The following ITFG1 variants were observed in gnomAD, a reference collection of about 807,000 sequenced individuals.
The protein encoded by ITFG1 is T-cell immunomodulatory protein.
In ITFG1, 34 loss-of-function variants were observed where a neutral mutation model predicts 81.8. That is an observed-to-expected ratio of 0.42 (90% confidence interval 0.32 to 0.55). The LOEUF (loss-of-function observed/expected upper bound fraction) is 0.55. Ranked by LOEUF, ITFG1 falls within the 20% of genes least tolerant of loss-of-function variation. ITFG1 has a pLI of 0.17. For missense variants in ITFG1, 672 were observed against 755.4 expected (o/e 0.89, Z 1.29); for synonymous variants, 285 against 270.6 (o/e 1.05, Z -0.52).
chr16:47,441,487 A>C (rs1969249567), intron 5 of ITFG1, among the ~76,000 whole-genome samples: 1 of 152,202 alleles, frequency 6.6e-6, no homozygotes, highest in Non-Finnish European at 1.5e-5. Context: ...CACCATGATC[A>C]CGTGGGCTTC....
intron 10 of ITFG1, among the ~76,000 whole-genome samples, chr16:47,262,141 T>C (rs185351974): frequency 4.6e-5 from 7 of 152,332 alleles, no homozygotes. Context: ...GTCTGGTAAA[T>C]ATATGATTGG....
chr16:47,381,259 T>C (rs569627474), intron 6 of ITFG1, among the ~76,000 whole-genome samples: 2 of 152,198 alleles, frequency 1.3e-5, no homozygotes, highest in Non-Finnish European at 2.9e-5. Flanking sequence ...GCATGTAATA[T>C]CCTTTTGATA....
intron 16 of ITFG1, among the ~76,000 whole-genome samples, chr16:47,159,197 A>AT (rs903831080): frequency 9.9e-5 from 15 of 152,284 alleles, no homozygotes; most frequent in South Asian, 2.1e-4. Context: ...TGCAGTTTAT[A>AT]TTTTACCTAG....
intron 8 of ITFG1, among the ~76,000 whole-genome samples, chr16:47,355,380 G>T (rs1968024390): frequency 6.6e-6 from 1 of 152,098 alleles, no homozygotes; most frequent in South Asian, 2.1e-4. Context: ...ATTATCAGAG[G>T]CTGGGGAGAG....
At chr16:47,293,858 C>G (rs2151556156) in intron 10 of ITFG1, among the ~76,000 whole-genome samples, 1 of 152,150 alleles carries the variant, frequency 6.6e-6, no homozygotes, top group South Asian at 2.1e-4. Context: ...TGTGCAGAAG[C>G]TTTTTAGTTC....
intron 6 of ITFG1, among the ~76,000 whole-genome samples, chr16:47,409,858 C>A (rs987042207): frequency 1.3e-5 from 2 of 151,670 alleles, no homozygotes; most frequent in African/African-American, 4.8e-5. Context: ...CCAAAAAAAA[C>A]CTGTTATGCA....
intron 10 of ITFG1, among the ~76,000 whole-genome samples, chr16:47,289,502 T>C (rs978391487): frequency 7.9e-5 from 12 of 152,138 alleles, no homozygotes; most frequent in African/African-American, 2.9e-4. Context: ...ATGGGGGACA[T>C]TTTATTCAGG....
chr16:47,408,209 A>G (rs1338819424), intron 6 of ITFG1, among the ~76,000 whole-genome samples: 1 of 152,208 alleles, frequency 6.6e-6, no homozygotes, highest in Non-Finnish European at 1.5e-5. Context: ...TGCTTGGAAG[A>G]GTAAAGTCTC....
chr16:47,360,918 T>C (rs1030285376), intron 8 of ITFG1, among the ~76,000 whole-genome samples: 1 of 152,178 alleles, frequency 6.6e-6, no homozygotes, highest in African/African-American at 2.4e-5. Context: ...GGGGTGTCCC[T>C]ACCTTTCTCC....
At chr16:47,354,802 C>G (rs572277047) in intron 8 of ITFG1, among the ~76,000 whole-genome samples, 2 of 152,068 alleles carry the variant, frequency 1.3e-5, no homozygotes, top group African/African-American at 4.8e-5. Flanking sequence ...TGCTCAACAT[C>G]ATGAATCATC....
chr16:47,315,978 T>C (rs1389044886), intron 8 of ITFG1, among the ~76,000 whole-genome samples: 3 of 151,772 alleles, frequency 2.0e-5, no homozygotes, highest in Non-Finnish European at 4.4e-5. Context: ...TTCAGTAGAG[T>C]CCGAGTTTCG....
intron 12 of ITFG1, among the ~76,000 whole-genome samples, chr16:47,239,351 C>T (rs1378502862): frequency 6.6e-6 from 1 of 152,110 alleles, no homozygotes; most frequent in Non-Finnish European, 1.5e-5. Context: ...CAGGTGCACG[C>T]CACCACACCC....
intron 10 of ITFG1, among the ~76,000 whole-genome samples, chr16:47,289,871 C>T (rs1196670775): frequency 6.6e-6 from 1 of 152,026 alleles, no homozygotes; most frequent in Non-Finnish European, 1.5e-5. Context: ...TTGTTTCATT[C>T]CTCCAACTAA....
intron 8 of ITFG1, among the ~76,000 whole-genome samples, chr16:47,326,654 A>G (rs911370587): frequency 9.8e-5 from 15 of 152,334 alleles, no homozygotes; most frequent in Non-Finnish European, 1.6e-4. Context: ...ATGTGCAAAA[A>G]TCACAAGCAT....
At position 47,428,863 on chromosome 16, in the gene ITFG1, C is replaced by A. The variant is rs1418244996; in HGVS notation, c.596G>T (p.Ser199Ile). 6.2e-7 allele frequency: 1 copy of A among 1,609,684 alleles called. No homozygotes were observed. Among genetic ancestry groups the A allele is most frequent in the Non-Finnish European group, 8.5e-7 (1 of 1,177,612 alleles). ...LSWHPALTTT[S>I]KMRIPHSHAF... Reference sequence around the variant, plus strand: ...ATGAGAATGTGGAATTCGCATTTTACTTGTAGTGGTCAATGCTGGATGCCA... The same window carrying A: ...ATGAGAATGTGGAATTCGCATTTTAATTGTAGTGGTCAATGCTGGATGCCA... The change falls in exon 6 of 18, where the codon AGT (serine) becomes ATT (isoleucine). Residue 199 changes from serine (S) to isoleucine (I), a missense_variant. By Grantham distance (142) the Ser-to-Ile change is moderately radical (BLOSUM62 -2). Coordinates refer to ENST00000320640, the MANE Select transcript of ITFG1 (RefSeq NM_030790.5).
At chr16:47,366,324 T>G (rs1161235041) in intron 7 of ITFG1, among the ~76,000 whole-genome samples, 1 of 152,168 alleles carries the variant, frequency 6.6e-6, no homozygotes, top group Non-Finnish European at 1.5e-5. Context: ...GAAGATTCTG[T>G]TGGGAACAAT....
chr16:47,181,462 GC>G (rs1413442865), intron 14 of ITFG1, among the ~76,000 whole-genome samples: 7 of 128,896 alleles, frequency 5.4e-5, no homozygotes, highest in South Asian at 2.7e-4. Flanking sequence ...GGGGGGGTCA[GC>G]CCCCCCGCCC....
chr16:47,173,371 T>C (rs1267341534), intron 14 of ITFG1, among the ~76,000 whole-genome samples: 1 of 152,220 alleles, frequency 6.6e-6, no homozygotes, highest in African/African-American at 2.4e-5. Context: ...ACTTCTGTAT[T>C]CTAAGACCCT....
At chr16:47,181,450 T>TG (rs1262352965) in intron 14 of ITFG1, among the ~76,000 whole-genome samples, 4,579 of 104,868 alleles carry the variant, frequency 0.044, 371 homozygotes, top group African/African-American at 0.11. Flanking sequence ...GGGAGGGAGG[T>TG]GGGGGGGGTC....
Sources: gnomAD v4.1 joint callset for allele counts (sites outside exome capture counted in the v4.1 genomes callset) on GRCh38, gnomAD v4.1.1 for gene constraint, MANE v1.5 for transcripts, NCBI Gene and HGNC (gene_info 2026-07-23, HGNC 2026-07-21) for gene names.